The following TRPC4 variants were observed in gnomAD, a reference collection of about 807,000 sequenced individuals.
TRPC4 encodes the protein short transient receptor potential channel 4.
In TRPC4, 49 loss-of-function variants were observed where a neutral mutation model predicts 99.4. The ratio of observed to expected loss-of-function variants is 0.49; its 90% CI spans 0.39 to 0.63. The LOEUF is 0.63. Ranked by LOEUF, TRPC4 falls within the 20% of genes least tolerant of loss-of-function variation. The probability of loss-of-function intolerance (pLI) is 0.00; values close to 1 mark genes in which losing one functional copy is unlikely to be tolerated. For synonymous variants in TRPC4, 454 were observed against 425.9 expected, an observed-to-expected ratio of 1.07 and a Z score of -0.81; for missense variants, 898 against 1,152.9, an observed-to-expected ratio of 0.78 and a Z score of 3.20.
rs571053456 is a variant in TRPC4 at position 37,663,816 on chromosome 13, A to C, written c.1375-87T>G. 6.9e-5 allele frequency: 83 copies of C among 1,205,650 alleles called. No homozygotes were observed. The African/African-American group carries it at 1.1e-3, about 16-fold the overall frequency. 74.7% of individuals were successfully genotyped at this position (1,205,650 alleles called of 1,614,324 possible). Reference sequence around the variant, plus strand: ...GTCAGACCCAGAAGGAAAACTATTAAATTTTGAACAAAATAATTGATGACT... The same window carrying C: ...GTCAGACCCAGAAGGAAAACTATTACATTTTGAACAAAATAATTGATGACT... On this transcript the variant is annotated intron_variant, in intron 5 of 10. Coordinates refer to ENST00000379705, the MANE Select transcript of TRPC4 (RefSeq NM_016179.4).
intron 1 of TRPC4, among the ~76,000 whole-genome samples, chr13:37,799,601 A>G (rs532126809): frequency 3.3e-5 from 5 of 152,314 alleles, no homozygotes; most frequent in African/African-American, 1.2e-4. Context: ...GAAAGAATTA[A>G]GATGCAATTT....
At chr13:37,692,818 T>C (rs374846773) in intron 3 of TRPC4, among the ~76,000 whole-genome samples, 1 of 152,200 alleles carries the variant, frequency 6.6e-6, no homozygotes, top group Admixed American at 6.5e-5. Flanking sequence ...ACTTTCATCA[T>C]CAGGAAAAGC....
chr13:37,743,753 C>A (rs145592987), intron 3 of TRPC4, among the ~76,000 whole-genome samples: 33 of 152,122 alleles, frequency 2.2e-4, no homozygotes, highest in Non-Finnish European at 3.7e-4. Context: ...ATTCAAATTA[C>A]AATTTCTATC....
At chr13:37,655,012 A>G (rs994977498) in intron 7 of TRPC4, 76 bp downstream of exon 7, 39 of 1,127,118 alleles carry the variant, frequency 3.5e-5, no homozygotes, top group Non-Finnish European at 4.5e-5. Context: ...ATTTACGATG[A>G]TAAGAAGATG....
chr13:37,639,658 A>G (rs375594382), intron 8 of TRPC4, among the ~76,000 whole-genome samples: 1 of 151,846 alleles, frequency 6.6e-6, no homozygotes, highest in Non-Finnish European at 1.5e-5. Flanking sequence ...AAAAGTTTTC[A>G]TAAATATTAA....
chr13:37,791,983 A>G (rs1304802786), intron 1 of TRPC4, among the ~76,000 whole-genome samples: 1 of 152,190 alleles, frequency 6.6e-6, no homozygotes, highest in East Asian at 1.9e-4. Context: ...AGGATTCAGG[A>G]CAAGGACTTT....
chr13:37,716,308 AT>A (rs1158538624), intron 3 of TRPC4, among the ~76,000 whole-genome samples: 1 of 152,210 alleles, frequency 6.6e-6, no homozygotes, highest in East Asian at 1.9e-4. Context: ...AGACGAATAA[AT>A]TCATTAAAGA....
rs1393503628 is a variant in TRPC4, at chr13:37,666,540, C to G, written c.1375-2811G>C. Among the ~76,000 whole-genome samples the G allele has an allele frequency of 3.3e-5, 5 of 152,270 alleles. No homozygotes were observed. In the South Asian group the frequency reaches 6.2e-4, roughly 19 times the overall value. ...CATAGATATTTTCTTAAGTTTTTAA[C>G]TATAGTCATCATTTAACAAAGTGAT... On this transcript the variant is annotated intron_variant, in intron 5 of 10. Transcript: ENST00000379705.
chr13:37,772,396 AG>A (rs1956578411), intron 2 of TRPC4, among the ~76,000 whole-genome samples: 1 of 151,678 alleles, frequency 6.6e-6, no homozygotes, highest in African/African-American at 2.4e-5. Context: ...GAGGAGAGGG[AG>A]GGAAATGAAG....
chr13:37,800,948 C>T (rs540346755), intron 1 of TRPC4, among the ~76,000 whole-genome samples: 2 of 151,796 alleles, frequency 1.3e-5, no homozygotes, highest in Non-Finnish European at 2.9e-5. Flanking sequence ...AGAAAATAAA[C>T]ATTTTCGATA....
chr13:37,814,496 TTA>T (rs1957788132), intron 1 of TRPC4, among the ~76,000 whole-genome samples: 1 of 151,834 alleles, frequency 6.6e-6, no homozygotes, highest in African/African-American at 2.4e-5. Flanking sequence ...ATAAAATTAA[TTA>T]TATGTTTATA....
intron 1 of TRPC4, among the ~76,000 whole-genome samples, chr13:37,860,287 T>G (rs1959227720): frequency 6.6e-6 from 1 of 151,438 alleles, no homozygotes; most frequent in African/African-American, 2.4e-5. Context: ...TTTTTAATAT[T>G]TTTCTTTAGG....
At chr13:37,779,705 T>G (rs893569547) in intron 2 of TRPC4, among the ~76,000 whole-genome samples, 8 of 151,958 alleles carry the variant, frequency 5.3e-5, no homozygotes, top group African/African-American at 1.9e-4. Flanking sequence ...CCAGACCCCA[T>G]TCTTAAATCC....
At chr13:37,713,588 T>C (rs748206999) in intron 3 of TRPC4, among the ~76,000 whole-genome samples, 5 of 152,260 alleles carry the variant, frequency 3.3e-5, no homozygotes, top group Non-Finnish European at 7.3e-5. Flanking sequence ...TGGTGTTTTA[T>C]AAAGGGACTA....
At chr13:37,718,118 A>G (rs1314059087) in intron 3 of TRPC4, among the ~76,000 whole-genome samples, 3 of 152,194 alleles carry the variant, frequency 2.0e-5, no homozygotes, top group East Asian at 1.9e-4. Flanking sequence ...TAGAAAATGA[A>G]GAGAGAATTC....
intron 10 of TRPC4, among the ~76,000 whole-genome samples, chr13:37,638,236 G>T (rs1466007058): frequency 1.1e-5 from 1 of 92,454 alleles, no homozygotes; most frequent in Admixed American, 1.2e-4. Context: ...CTTCTTGGTG[G>T]CTTCCTGCCC....
intron 3 of TRPC4, among the ~76,000 whole-genome samples, chr13:37,742,323 A>T (rs1293948586): frequency 1.1e-4 from 16 of 152,162 alleles, no homozygotes; most frequent in Non-Finnish European, 2.9e-5. Context: ...TTAGGAGATT[A>T]ACCCAAATAG....
intron 5 of TRPC4, among the ~76,000 whole-genome samples, chr13:37,668,585 T>C (rs1234319261): frequency 6.6e-6 from 1 of 152,190 alleles, no homozygotes; most frequent in African/African-American, 2.4e-5. Flanking sequence ...ATGAAGAGTT[T>C]AGCAGCAGTG....
At chr13:37,659,361 A>G (rs1413425470) in intron 6 of TRPC4, among the ~76,000 whole-genome samples, 1 of 152,068 alleles carries the variant, frequency 6.6e-6, no homozygotes, top group Non-Finnish European at 1.5e-5. Flanking sequence ...TTTTGCCATG[A>G]ATGGAAGCTT....
Sources: allele counts gnomAD v4.1 joint callset (sites outside exome capture counted in the v4.1 genomes callset), GRCh38; gene constraint gnomAD v4.1.1; transcripts MANE v1.5; gene names NCBI Gene and HGNC (gene_info 2026-07-23, HGNC 2026-07-21).